SMARCA4: variants seen among roughly 807,000 people sequenced by gnomAD.
The protein encoded by SMARCA4 is SWI/SNF related BAF chromatin remodeling complex subunit ATPase 4.
Under a neutral mutation model 193.9 loss-of-function variants are expected in SMARCA4, and 31 were observed. That is an observed-to-expected ratio of 0.16 (90% CI 0.12 to 0.22). SMARCA4 has a LOEUF of 0.22. Among genes scored for constraint, SMARCA4 ranks in the 10% least tolerant of loss-of-function variants. The pLI is 1.00. For missense variants in SMARCA4, 1,148 were observed against 2,296.0 expected, an observed-to-expected ratio of 0.50 and a Z score of 10.22; for synonymous variants, 942 against 933.1, an observed-to-expected ratio of 1.01 and a Z score of -0.17.
At chr19:10,994,565 G>T (rs967139503) in intron 8 of SMARCA4, among the ~76,000 whole-genome samples, 2 of 151,322 alleles carry the variant, frequency 1.3e-5, no homozygotes, top group African/African-American at 2.4e-5. Flanking sequence ...TGATCCGCCC[G>T]CCTCAGCCTC....
chr19:10,976,989 G>A (rs763044812), intron 1 of SMARCA4, among the ~76,000 whole-genome samples: 101 of 152,018 alleles, frequency 6.6e-4, no homozygotes, highest in Admixed American at 2.0e-3. Flanking sequence ...CCTAGGAGGC[G>A]GAGGTTGCAG....
chr19:11,059,967 G>A lies in SMARCA4; in HGVS notation c.4769-78G>A, dbSNP rs541155304. 1.2e-4 allele frequency: 193 copies of A among 1,612,516 alleles called. 3 individuals are homozygous for A. In the South Asian group the frequency reaches 1.7e-3, roughly 14 times the overall value. On this transcript the variant is annotated intron_variant, in intron 33 of 34. Coordinates refer to ENST00000344626, the MANE Select transcript of SMARCA4 (RefSeq NM_003072.5). Reference sequence around the variant, plus strand: ...GGCCCCAGCTTTTCACAGCCCTCCCGGCTCCCAGACGCCCCTTGCTGTGGG... The same window carrying A: ...GGCCCCAGCTTTTCACAGCCCTCCCAGCTCCCAGACGCCCCTTGCTGTGGG...
At chr19:11,028,610 A>G (rs553441732) in intron 24 of SMARCA4, among the ~76,000 whole-genome samples, 3 of 152,364 alleles carry the variant, frequency 2.0e-5, no homozygotes, top group East Asian at 3.9e-4. Context: ...CAGCTGCCGT[A>G]GAGAGGCTCT....
In SMARCA4 at chr19:11,054,824, G is replaced by A. The variant is rs550837405; in HGVS notation, c.4425-3431G>A. Among the ~76,000 whole-genome samples the A allele has an allele frequency of 2.6e-5, 4 of 152,268 alleles. No homozygotes were observed. In the South Asian group the frequency reaches 8.3e-4, roughly 32 times the overall value. On this transcript the variant is annotated intron_variant, in intron 30 of 34. Transcript: ENST00000344626. ...TGGGTGTGTGTGGGGGTCAGAGGAG[G>A]TGATGTTTGCCCTGAGATGAGGTCA...
intron 34 of SMARCA4, among the ~76,000 whole-genome samples, chr19:11,061,204 A>AAAATATAT (rs1555797070): frequency 8.8e-5 from 4 of 45,220 alleles, no homozygotes; most frequent in African/African-American, 3.4e-4. Context: ...AAAAAAAAAA[A>AAAATATAT]ATATATATAT....
intron 23 of SMARCA4, among the ~76,000 whole-genome samples, chr19:11,027,439 A>G (rs2052739799): frequency 6.6e-6 from 1 of 152,190 alleles, no homozygotes; most frequent in South Asian, 2.1e-4. Context: ...TTTATCGGGC[A>G]AGGGGACAAG....
chr19:11,059,293 GGTTT>G, intron 32 of SMARCA4: 2 of 303,332 alleles, frequency 6.6e-6, no homozygotes, highest in South Asian at 6.7e-5. Context: ...GAATCCTGTG[GGTTT>G]GTTCTTTCCT....
chr19:11,025,481 C>T lies in SMARCA4; in HGVS notation c.3141C>T (p.Asn1047=), dbSNP rs2146497985. 1.2e-6 allele frequency: 2 copies of T among 1,613,260 alleles called. No individual in the cohort carries two copies. Among genetic ancestry groups the T allele is most frequent in the South Asian group, 1.1e-5 (1 of 91,072 alleles). The stretch of plus-strand genomic sequence containing the variant: ...TCATGCAGCTGCGGAAGATCTGCAA[C>T]CACCCCTACATGTTCCAGCACATCG... The part of the protein sequence containing the change: ...NTIMQLRKIC[N]HPYMFQHIEE... Residue 1047 remains asparagine, a synonymous_variant, in exon 22 of 35, where the codon AAC becomes AAT. Transcript: ENST00000344626.
intron 30 of SMARCA4, among the ~76,000 whole-genome samples, chr19:11,046,785 G>A (rs187911270): frequency 2.0e-5 from 3 of 151,938 alleles, no homozygotes; most frequent in Admixed American, 1.3e-4. Context: ...GGGAGACCCC[G>A]CCTATGCAAA....
chr19:10,987,849 A>G lies in SMARCA4; in HGVS notation c.1043A>G (p.Lys348Arg). The G allele has an allele frequency of 6.2e-7, 1 of 1,612,134 alleles. No homozygotes were observed. Among genetic ancestry groups the G allele is most frequent in the South Asian group, 1.1e-5 (1 of 90,856 alleles). ...GCGCCCATGGTGCCACTGCACCAGA[A>G]GCAGAGCCGCATCACCCCCATCCAG... Reference protein sequence around the residue: ...QPAPMVPLHQKQSRITPIQKP... With the variant: ...QPAPMVPLHQRQSRITPIQKP... Residue 348 changes from lysine (K) to arginine (R), a missense_variant, in exon 6 of 35, where the codon AAG (lysine) becomes AGG (arginine). Coordinates refer to ENST00000344626, the MANE Select transcript of SMARCA4 (RefSeq NM_003072.5). This position sits in a 1 kb window ranked among gnomAD's most constrained non-coding sequence, Gnocchi z 5.3.
intron 14 of SMARCA4, among the ~76,000 whole-genome samples, chr19:11,008,646 T>G (rs977916700): frequency 9.9e-5 from 15 of 152,194 alleles, no homozygotes; most frequent in African/African-American, 3.6e-4. Flanking sequence ...AATCTCTTCA[T>G]TGCTTATGGT....
chr19:11,058,196 G>T lies in SMARCA4; in HGVS notation c.4425-59G>T. 1 of 1,058,358 alleles carries T rather than the reference G, an allele frequency of 9.4e-7. No homozygotes were observed. The highest frequency in any genetic ancestry group is 1.3e-5 in the South Asian group (1 of 79,966). The allele number at this position is 1,058,358 out of a possible 1,614,324, so 65.6% of individuals were successfully genotyped here. Reference sequence around the variant, plus strand: ...AACAATGTGGGAACCTGCTGAGGTGGGGTGGGGGCTCCCGGGTGGGCGGAC... The same window carrying T: ...AACAATGTGGGAACCTGCTGAGGTGTGGTGGGGGCTCCCGGGTGGGCGGAC... On this transcript the variant is annotated intron_variant, in intron 30 of 34. Transcript: ENST00000344626. This position sits in a 1 kb window ranked among gnomAD's most constrained non-coding sequence, Gnocchi z 5.8.
At chr19:11,047,259 G>T (rs10417774) in intron 30 of SMARCA4, among the ~76,000 whole-genome samples, 6,129 of 152,204 alleles carry the variant, frequency 0.04, 356 homozygotes, top group African/African-American at 0.13. Context: ...CCTCTTGGGG[G>T]CCAAGGTGGG....
At chr19:11,046,929 CAG>C (rs1181177449) in intron 30 of SMARCA4, among the ~76,000 whole-genome samples, 1 of 124,262 alleles carries the variant, frequency 8.0e-6, no homozygotes, top group African/African-American at 3.2e-5. Context: ...CCATGGGTGA[CAG>C]AGGTGAGACC....
intron 18 of SMARCA4, among the ~76,000 whole-genome samples, chr19:11,020,069 G>A (rs1382645639): frequency 1.3e-5 from 2 of 152,150 alleles, no homozygotes; most frequent in African/African-American, 2.4e-5. Flanking sequence ...TGCCTTGGCC[G>A]TCCCTCCCTG....
At chr19:11,003,902 G>C (rs1251442989) in intron 13 of SMARCA4, among the ~76,000 whole-genome samples, 1 of 151,318 alleles carries the variant, frequency 6.6e-6, no homozygotes, top group Non-Finnish European at 1.5e-5. Context: ...AGTAGAGATG[G>C]AGTTTCATCA....
At chr19:11,003,309 A>G (rs1044815934) in intron 12 of SMARCA4, 31 bp from the exon 13 acceptor site, 2 of 1,610,754 alleles carry the variant, frequency 1.2e-6, no homozygotes, top group Non-Finnish European at 1.7e-6. Flanking sequence ...CTCTGAGCAG[A>G]TTTGTATGAA....
At chr19:10,997,227 C>T (rs1486971146) in intron 11 of SMARCA4, among the ~76,000 whole-genome samples, 1 of 151,856 alleles carries the variant, frequency 6.6e-6, no homozygotes, top group Non-Finnish European at 1.5e-5. Flanking sequence ...TAGACGGAGT[C>T]TCGTTCTGTC....
Position 10,986,103 on chromosome 19 carries a change from G to A in SMARCA4, c.356-86G>A, listed in dbSNP as rs962758139. 51 of 1,172,822 alleles carry A rather than the reference G, an allele frequency of 4.3e-5. No individual in the cohort carries two copies. The highest frequency in any genetic ancestry group is 1.9e-4 in the Middle Eastern group (1 of 5,250). The allele number at this position is 1,172,822 out of a possible 1,614,324, so 72.7% of individuals were successfully genotyped here. ...TGCCATTTGGCTGTGCCCTGTCTCA[G>A]AGTAGGAGCTGGTGTAGGGGGAAGA... On this transcript the variant is annotated intron_variant, in intron 3 of 34. Transcript: ENST00000344626. This position sits in a 1 kb window ranked among gnomAD's most constrained non-coding sequence, Gnocchi z 6.7.
Sources: gnomAD v4.1 joint callset for allele counts (sites outside exome capture counted in the v4.1 genomes callset) on GRCh38, gnomAD v4.1.1 for gene constraint, Gnocchi (gnomAD v3.1) non-coding constraint, MANE v1.5 for transcripts, NCBI Gene and HGNC (gene_info 2026-07-23, HGNC 2026-07-21) for gene names.